The following LMTK2 variants were observed in gnomAD, a reference collection of about 807,000 sequenced individuals.
LMTK2 encodes the protein serine/threonine-protein kinase LMTK2.
Under a neutral mutation model 127.5 loss-of-function variants are expected in LMTK2, and 37 were observed. The observed-to-expected ratio is 0.29, with a 90% CI of 0.22 to 0.38. The LOEUF (loss-of-function observed/expected upper bound fraction) is 0.38. LMTK2 is among the 10% of genes least tolerant of loss of function. The pLI, the probability that LMTK2 is intolerant of heterozygous loss-of-function variation, is 1.00. For synonymous variants in LMTK2, 819 were observed against 810.1 expected (o/e 1.01, Z -0.19); for missense variants, 1,694 against 1,920.3 (o/e 0.88, Z 2.20).
At chr7:98,111,630 G>T (rs932625144) in intron 1 of LMTK2, among the ~76,000 whole-genome samples, 6 of 152,102 alleles carry the variant, frequency 3.9e-5, no homozygotes, top group African/African-American at 4.8e-5. Context: ...GGGTTGTGGG[G>T]GGCACAGTGG....
chr7:98,158,585 A>G (rs1287164077), intron 5 of LMTK2, among the ~76,000 whole-genome samples: 2 of 152,080 alleles, frequency 1.3e-5, no homozygotes, highest in African/African-American at 4.8e-5. Flanking sequence ...ATATTAAAAA[A>G]AAAAATGGAA....
chr7:98,125,479 G>T (rs1796431555), intron 1 of LMTK2, among the ~76,000 whole-genome samples: 1 of 152,144 alleles, frequency 6.6e-6, no homozygotes, highest in South Asian at 2.1e-4. Flanking sequence ...AAGATGCTTA[G>T]TAAATGTTTG....
Position 98,144,530 on chromosome 7 carries a change from C to G in LMTK2, c.376+2989C>G, listed in dbSNP as rs140015313. 1.3e-3 allele frequency among the ~76,000 whole-genome samples: 195 copies of G among 152,142 alleles called. 1 individual carries two copies. The East Asian group carries it at 0.037, about 29-fold the overall frequency. Reference sequence around the variant, plus strand: ...TTCCACTGCTGGCTTCCCTAAGTAACAGCTGCACTGTTGGTTCTGGTTTTT... The same window carrying G: ...TTCCACTGCTGGCTTCCCTAAGTAAGAGCTGCACTGTTGGTTCTGGTTTTT... On this transcript the variant is annotated intron_variant, in intron 3 of 13. Transcript: ENST00000297293.
chr7:98,109,702 C>A (rs1005155682), intron 1 of LMTK2, among the ~76,000 whole-genome samples: 2 of 147,670 alleles, frequency 1.4e-5, no homozygotes. Context: ...CGAGATTGTG[C>A]CACTGCATCA....
intron 6 of LMTK2, among the ~76,000 whole-genome samples, chr7:98,167,596 C>T (rs186546470): frequency 1.9e-3 from 286 of 152,340 alleles, no homozygotes; most frequent in African/African-American, 6.5e-3. Flanking sequence ...ATGACATCTT[C>T]ACTTTTGGTC....
At chr7:98,185,022 T>C in intron 7 of LMTK2, 29 bp from the exon 8 acceptor site, 1 of 1,530,064 alleles carries the variant, frequency 6.5e-7, no homozygotes, top group Non-Finnish European at 9.1e-7. Context: ...TTGATTCTTC[T>C]TGCCATGTTC....
chr7:98,140,130 CTTTCTTTCTTTCT>C (rs1348190435), intron 2 of LMTK2, among the ~76,000 whole-genome samples: 4 of 35,706 alleles, frequency 1.1e-4, no homozygotes, highest in African/African-American at 6.4e-4. Context: ...TTCTTTCTTT[CTTTCTTTCTTTCT>C]TTTCTTTTCT....
chr7:98,204,456 T>TA (rs1797759113), intron 13 of LMTK2, among the ~76,000 whole-genome samples: 2 of 151,608 alleles, frequency 1.3e-5, no homozygotes, highest in Non-Finnish European at 2.9e-5. Flanking sequence ...ACCCCATCTC[T>TA]AAAAAAAATA....
intron 11 of LMTK2, among the ~76,000 whole-genome samples, chr7:98,201,085 C>T (rs1404972894): frequency 1.3e-5 from 2 of 151,564 alleles, no homozygotes; most frequent in African/African-American, 4.9e-5. Context: ...TAAATAAATT[C>T]TCTTAGTTTT....
At chr7:98,139,900 T>C (rs1002285416) in intron 2 of LMTK2, among the ~76,000 whole-genome samples, 2 of 152,106 alleles carry the variant, frequency 1.3e-5, no homozygotes, top group Admixed American at 6.5e-5. Context: ...GCTTCTGTTA[T>C]GGTGCCTGGA....
intron 7 of LMTK2, among the ~76,000 whole-genome samples, chr7:98,172,847 G>A (rs753530625): frequency 5.9e-5 from 9 of 151,932 alleles, no homozygotes; most frequent in Non-Finnish European, 1.3e-4. Flanking sequence ...AACCTCCACC[G>A]CCAGGGTTCA....
rs144214458 is a variant in LMTK2 at position 98,193,399 on chromosome 7, C to T, written c.2934C>T (p.Leu978=). The part of the protein sequence containing the change: ...LSSDSTSQDS[L]LEDSLSAPFP... The stretch of plus-strand genomic sequence containing the variant: ...CGGACTCAACCAGTCAGGACAGCCT[C>T]CTGGAGGACAGCTTGTCAGCACCCT... The change falls in exon 11 of 14, where the codon CTC becomes CTT. Residue 978 remains leucine (L), a synonymous_variant. Transcript: ENST00000297293. This position sits in a 1 kb window ranked among gnomAD's most constrained non-coding sequence, Gnocchi z 4.1. 45 of 1,614,066 alleles carry T rather than the reference C, an allele frequency of 2.8e-5. No homozygotes were observed. The highest frequency in any genetic ancestry group is 3.3e-4 in the Middle Eastern group (2 of 6,084).
intron 7 of LMTK2, among the ~76,000 whole-genome samples, chr7:98,174,117 A>AG (rs1028951442): frequency 2.6e-5 from 4 of 151,760 alleles, no homozygotes; most frequent in South Asian, 2.1e-4. Context: ...AAAAAAAAAA[A>AG]AAAAAGAAAA....
Position 98,140,197 on chromosome 7 carries a change from T to TTTC in LMTK2, c.232-1198_232-1197insCTT, listed in dbSNP as rs1270307444. ...CTTTCTTTTCTTTCTTCTTTCTGTC[T>TTTC]TTGAGATGGTCTCGCTCTATCACCC... is the stretch of plus-strand genomic sequence containing the variant. On this transcript the variant is annotated intron_variant, in intron 2 of 13. Coordinates refer to ENST00000297293, the MANE Select transcript of LMTK2 (RefSeq NM_014916.4). Among the ~76,000 whole-genome samples, 34 of 7,904 alleles carry TTTC rather than the reference T, an allele frequency of 4.3e-3. 13 individuals are homozygous for TTTC. The highest frequency in any genetic ancestry group is 0.014 in the African/African-American group (32 of 2,276). 5.2% of individuals were successfully genotyped at this position (7,904 alleles called of 152,430 possible). A position where few individuals can be genotyped will look rare whatever the true frequency, so the allele number is the denominator to read the frequency against.
intron 2 of LMTK2, among the ~76,000 whole-genome samples, chr7:98,140,152 CTTTTCTTTTCTTTTCT>C (rs1562902767): frequency 0.019 from 1,098 of 59,010 alleles, 245 homozygotes; most frequent in African/African-American, 0.021. Context: ...CTTTTCTTTT[CTTTTCTTTTCTTTTCT>C]TTTCTTTCTT....
intron 11 of LMTK2, among the ~76,000 whole-genome samples, chr7:98,202,552 T>C (rs1468797790): frequency 6.6e-6 from 1 of 152,216 alleles, no homozygotes; most frequent in Non-Finnish European, 1.5e-5. Flanking sequence ...ATCATGTTGA[T>C]ACTTTTACCT....
At chr7:98,110,720 G>A (rs1335452544) in intron 1 of LMTK2, among the ~76,000 whole-genome samples, 1 of 152,168 alleles carries the variant, frequency 6.6e-6, no homozygotes, top group East Asian at 1.9e-4. Flanking sequence ...ATTAATATTA[G>A]GATAGTGGTG....
chr7:98,148,547 T>C (rs1221321229), intron 3 of LMTK2, among the ~76,000 whole-genome samples: 1 of 151,726 alleles, frequency 6.6e-6, no homozygotes, highest in African/African-American at 2.4e-5. Flanking sequence ...AAATAAAGTC[T>C]TGTCTAATAA....
chr7:98,190,217 A>G (rs1262803878), intron 9 of LMTK2, among the ~76,000 whole-genome samples: 1 of 152,186 alleles, frequency 6.6e-6, no homozygotes, highest in Admixed American at 6.5e-5. Flanking sequence ...AATAGGAGGC[A>G]TGGTCTTCCT....
Sources: allele counts gnomAD v4.1 joint callset (sites outside exome capture counted in the v4.1 genomes callset), GRCh38; gene constraint gnomAD v4.1.1; non-coding constraint Gnocchi (gnomAD v3.1); transcripts MANE v1.5; gene names NCBI Gene and HGNC (gene_info 2026-07-23, HGNC 2026-07-21).